Variants in RIMKLB observed in about 807,000 individuals in gnomAD.
RIMKLB encodes the protein ribosomal modification protein rimK like family member B.
A neutral mutation model predicts 32.0 loss-of-function variants in RIMKLB; 7 were observed. The ratio of observed to expected loss-of-function variants is 0.22; its 90% CI spans 0.12 to 0.41. The LOEUF is 0.41. Ranked by LOEUF, RIMKLB falls within the 10% of genes least tolerant of loss-of-function variation. The pLI, the probability that RIMKLB is intolerant of heterozygous loss-of-function variation, is 1.00. For missense variants in RIMKLB, 289 were observed against 498.7 expected (o/e 0.58, Z 4.00); for synonymous variants, 172 against 185.1 (o/e 0.93, Z 0.57).
intron 2 of RIMKLB, among the ~76,000 whole-genome samples, chr12:8,732,463 A>G (rs1591792695): frequency 1.3e-5 from 2 of 152,316 alleles, no homozygotes; most frequent in South Asian, 4.1e-4. Context: ...TTGTGTTTTA[A>G]CATGGCTGAG....
At chr12:8,692,711 T>A (rs1942766799), upstream of RIMKLB, among the ~76,000 whole-genome samples, 1 of 152,196 alleles carries the variant, frequency 6.6e-6, no homozygotes, top group South Asian at 2.1e-4. Context: ...TTTAATGTGC[T>A]GAGATGGAGC....
At chr12:8,753,284 C>T (rs1254695129) in intron 4 of RIMKLB, among the ~76,000 whole-genome samples, 1 of 152,182 alleles carries the variant, frequency 6.6e-6, no homozygotes, top group Non-Finnish European at 1.5e-5. Flanking sequence ...AGAATTACTT[C>T]TGCTATATTC....
chr12:8,718,600 AC>A (rs1945087908), intron 2 of RIMKLB, among the ~76,000 whole-genome samples: 1 of 151,606 alleles, frequency 6.6e-6, no homozygotes, highest in Non-Finnish European at 1.5e-5. Flanking sequence ...CTGAGATAGC[AC>A]CATTACACTC....
downstream of RIMKLB, chr12:8,780,558 A>AG: frequency 6.6e-6 from 1 of 152,224 alleles, no homozygotes; most frequent in Non-Finnish European, 1.5e-5. Context: ...CTTTTTCTAT[A>AG]TACCCTTCTG....
intron 2 of RIMKLB, among the ~76,000 whole-genome samples, chr12:8,730,230 C>G (rs1332416222): frequency 6.6e-6 from 1 of 152,162 alleles, no homozygotes; most frequent in Non-Finnish European, 1.5e-5. Context: ...AGACTGCAGG[C>G]ATGCATCACC....
intron 2 of RIMKLB, among the ~76,000 whole-genome samples, chr12:8,745,471 C>T (rs112058519): frequency 0.034 from 5,080 of 151,544 alleles, 388 homozygotes; most frequent in African/African-American, 0.12. Flanking sequence ...CTTGGCTCAC[C>T]GCAACCTCCG....
At chr12:8,756,031 T>A (rs1189430979) in intron 5 of RIMKLB, among the ~76,000 whole-genome samples, 1 of 151,784 alleles carries the variant, frequency 6.6e-6, no homozygotes, top group East Asian at 1.9e-4. Context: ...CACATTCCTG[T>A]TTAGTCCCGG....
At chr12:8,748,060 T>C (rs1948262605) in intron 2 of RIMKLB, among the ~76,000 whole-genome samples, 1 of 152,202 alleles carries the variant, frequency 6.6e-6, no homozygotes, top group African/African-American at 2.4e-5. Context: ...AGCCAATAAC[T>C]TTAAGTGATT....
At chr12:8,727,032 C>T in intron 2 of RIMKLB, among the ~76,000 whole-genome samples, 1 of 152,224 alleles carries the variant, frequency 6.6e-6, no homozygotes, top group East Asian at 1.9e-4. Context: ...TCTAAGTCCA[C>T]TTTTAAATAC....
intron 1 of RIMKLB, among the ~76,000 whole-genome samples, chr12:8,690,328 T>TGCAA (rs904200787): frequency 6.6e-6 from 1 of 152,232 alleles, no homozygotes; most frequent in African/African-American, 2.4e-5. Flanking sequence ...AATGGATTCT[T>TGCAA]GGGTCCTTTG....
In RIMKLB at chr12:8,776,700, G is replaced by T. The variant is rs983845507; in HGVS notation, c.*2916G>T. Reference sequence around the variant, plus strand: ...TTTTTCTTTTTTGGTGCCTATAATTGATTGGTCATTTCTGCTGGCTTTTCT... The same window carrying T: ...TTTTTCTTTTTTGGTGCCTATAATTTATTGGTCATTTCTGCTGGCTTTTCT... On this transcript the variant is annotated 3_prime_UTR_variant, in exon 6 of 6. Coordinates refer to ENST00000535829, the MANE Select transcript of RIMKLB (RefSeq NM_001297776.2). 8 of 984,592 alleles carry T rather than the reference G, an allele frequency of 8.1e-6. No homozygotes were observed. Among genetic ancestry groups the T allele is most frequent in the Non-Finnish European group, 9.6e-6 (8 of 829,690 alleles). The allele number at this position is 984,592 out of a possible 1,614,324, so 61.0% of individuals were successfully genotyped here.
In RIMKLB at chr12:8,731,078, G is replaced by A. The variant is rs189949916; in HGVS notation, c.175+17037G>A. On this transcript the variant is annotated intron_variant, in intron 2 of 5. Coordinates refer to ENST00000535829, the MANE Select transcript of RIMKLB (RefSeq NM_001297776.2). The stretch of plus-strand genomic sequence containing the variant: ...CTTGATTGGGCATTTGCTTGGTGCT[G>A]TAGACCTTTCACTGTTTCTCTTTTT... 1.6e-3 allele frequency among the ~76,000 whole-genome samples: 243 copies of A among 148,554 alleles called. 1 individual carries two copies. The highest frequency in any genetic ancestry group is 3.0e-3 in the Non-Finnish European group (204 of 67,362).
At chr12:8,734,978 A>G (rs1385367084) in intron 2 of RIMKLB, among the ~76,000 whole-genome samples, 1 of 152,122 alleles carries the variant, frequency 6.6e-6, no homozygotes, top group Non-Finnish European at 1.5e-5. Flanking sequence ...AGGATCAGAA[A>G]TTTCACTTCA....
intron 1 of RIMKLB, among the ~76,000 whole-genome samples, chr12:8,710,298 TG>T (rs1944264509): frequency 6.7e-6 from 1 of 150,286 alleles, no homozygotes; most frequent in South Asian, 2.1e-4. Flanking sequence ...TTTGTTTGTT[TG>T]TTTCCTTCTT....
chr12:8,704,128 A>T (rs1353271299), intron 1 of RIMKLB, among the ~76,000 whole-genome samples: 1 of 152,226 alleles, frequency 6.6e-6, no homozygotes, highest in African/African-American at 2.4e-5. Context: ...TCACGCCTGT[A>T]ATCCCAACAC....
Position 8,754,087 on chromosome 12 carries a change from T to A in RIMKLB, c.691T>A (p.Ser231Thr). The A allele has an allele frequency of 6.2e-7, 1 of 1,610,046 alleles. No homozygotes were observed. The highest frequency in any genetic ancestry group is 8.5e-7 in the Non-Finnish European group (1 of 1,176,214). The stretch of plus-strand genomic sequence containing the variant: ...AGATGGGAGAATGCAAAGCAACTGC[T>A]CATTAGGTAAAAATAATGCAATTAT... Reference protein sequence around the residue: ...STDGRMQSNCSLGGVGMMCSL... With the variant: ...STDGRMQSNCTLGGVGMMCSL... Residue 231 changes from serine to threonine, a missense_variant, in exon 5 of 6, where the codon TCA becomes ACA. By Grantham distance (58) the Ser-to-Thr change is moderately conservative. Around this residue, in one of 3 missense-constraint regions of RIMKLB, gnomAD observed 156 missense variants for 329.5 expected, o/e 0.47. Transcript: ENST00000535829.
chr12:8,769,227 T>C (rs1187743191), intron 5 of RIMKLB, among the ~76,000 whole-genome samples: 1 of 152,208 alleles, frequency 6.6e-6, no homozygotes, highest in Non-Finnish European at 1.5e-5. Flanking sequence ...TATTACCTTC[T>C]GATTTTCTTG....
At chr12:8,747,838 C>G (rs190058225) in intron 2 of RIMKLB, among the ~76,000 whole-genome samples, 95 of 151,976 alleles carry the variant, frequency 6.3e-4, no homozygotes, top group Admixed American at 1.9e-3. Flanking sequence ...TTACTGCAAC[C>G]TCCGCCTCCC....
chr12:8,760,352 A>G (rs760341358), intron 5 of RIMKLB, among the ~76,000 whole-genome samples: 1 of 152,346 alleles, frequency 6.6e-6, no homozygotes, highest in African/African-American at 2.4e-5. Flanking sequence ...ATTGATGGAC[A>G]TTTGGGTTGG....
Sources: allele counts gnomAD v4.1 joint callset (sites outside exome capture counted in the v4.1 genomes callset), GRCh38; gene constraint gnomAD v4.1.1; regional missense constraint gnomAD v4.1.1; transcripts MANE v1.5; gene names NCBI Gene and HGNC (gene_info 2026-07-23, HGNC 2026-07-21).